C14orf180: variants seen among roughly 807,000 people sequenced by gnomAD.
C14orf180 encodes the protein nutritionally-regulated adipose and cardiac enriched protein homolog.
C14orf180 carries 13 observed loss-of-function variants against 13.9 expected under a neutral mutation model. The observed-to-expected ratio is 0.94, with a 90% CI of 0.61 to 1.49. C14orf180 has a LOEUF of 1.49. C14orf180 is among the 40% of genes most tolerant of loss of function. C14orf180 has a pLI of 0.00. For synonymous variants in C14orf180, 113 were observed against 106.3 expected, an observed-to-expected ratio of 1.06 and a Z score of -0.39; for missense variants, 238 against 232.0, an observed-to-expected ratio of 1.03 and a Z score of -0.17.
intron 3 of C14orf180, 132 bp downstream of exon 3, chr14:104,588,010 G>A: frequency 8.2e-7 from 1 of 1,212,934 alleles, no homozygotes; most frequent in Non-Finnish European, 1.1e-6. Context: ...TGCCTTCAGT[G>A]CCACAACCCC....
intron 1 of C14orf180, among the ~76,000 whole-genome samples, chr14:104,583,849 C>T (rs1886520764): frequency 6.6e-6 from 1 of 152,094 alleles, no homozygotes. Flanking sequence ...TGCATGGACA[C>T]ACACACACAT....
At chr14:104,588,170 A>T in intron 3 of C14orf180, 104 bp from the exon 4 acceptor site, 4 of 1,404,376 alleles carry the variant, frequency 2.8e-6, no homozygotes, top group Non-Finnish European at 4.0e-6. Flanking sequence ...CTCACTGATG[A>T]ATAGTCTCAG....
At position 104,589,349 on chromosome 14, in the gene C14orf180, C is replaced by G. The variant is rs2140471172; in HGVS notation, c.*566C>G. On this transcript the variant is annotated 3_prime_UTR_variant, in exon 5 of 5. Transcript: ENST00000557649. The surrounding 1 kb of genome is among the most constrained non-coding windows in gnomAD (Gnocchi z 4.9). ...GCCCAGGTCTGACCCCCCTACCCAG[C>G]CCCGTGAGTCTGGAGAGGCCCCAGG... 1 of 155,904 alleles carries G rather than the reference C, an allele frequency of 6.4e-6. No individual in the cohort carries two copies. The highest frequency in any genetic ancestry group is 1.9e-4 in the East Asian group (1 of 5,284). 9.7% of individuals were successfully genotyped at this position (155,904 alleles called of 1,614,324 possible).
chr14:104,586,434 A>G lies in C14orf180; in HGVS notation c.4A>G (p.Arg2Gly). The change falls in exon 2 of 5, where the codon AGG becomes GGG. Residue 2 changes from arginine (R) to glycine (G), a missense_variant. Coordinates refer to ENST00000557649, the MANE Select transcript of C14orf180 (RefSeq NM_001008404.3). M[R>G]TAAGAVSPDS... ...TCTTAGGACCATGTTCCAGTAAATGAGGACTGCAGCAGGAGCCGTGAGCCC... is the reference window on the plus strand; with the variant it reads ...TCTTAGGACCATGTTCCAGTAAATGGGGACTGCAGCAGGAGCCGTGAGCCC... 2 of 1,519,234 alleles carry G rather than the reference A, an allele frequency of 1.3e-6. No homozygotes were observed. The highest frequency in any genetic ancestry group is 1.8e-6 in the Non-Finnish European group (2 of 1,131,348). The allele number at this position is 1,519,234 out of a possible 1,614,324, so 94.1% of individuals were successfully genotyped here.
Position 104,586,404 on chromosome 14 carries a change from G to C in C14orf180, c.-16-11G>C, listed in dbSNP as rs1886620069. The C allele has an allele frequency of 7.0e-7, 1 of 1,426,530 alleles. No individual in the cohort carries two copies. Among genetic ancestry groups the C allele is most frequent in the Non-Finnish European group, 9.4e-7 (1 of 1,068,258 alleles). 88.4% of individuals were successfully genotyped at this position (1,426,530 alleles called of 1,614,324 possible). ...GCAGTAAATAATAAATAACGTCTCT[G>C]CTTATCTTAGGACCATGTTCCAGTA... On this transcript the variant is annotated splice_polypyrimidine_tract_variant and intron_variant, in intron 1 of 4. Coordinates refer to ENST00000557649, the MANE Select transcript of C14orf180 (RefSeq NM_001008404.3).
At position 104,588,651 on chromosome 14, in the gene C14orf180, C is replaced by G. The variant is rs1394099577; in HGVS notation, c.351C>G (p.Ala117=). The G allele has an allele frequency of 3.9e-6, 6 of 1,530,906 alleles. No homozygotes were observed. The highest frequency in any genetic ancestry group is 4.4e-6 in the Non-Finnish European group (5 of 1,143,516). The allele number at this position is 1,530,906 out of a possible 1,614,324, so 94.8% of individuals were successfully genotyped here. The change falls in exon 5 of 5, where the codon GCC becomes GCG. Residue 117 remains alanine, a synonymous_variant. Coordinates refer to ENST00000557649, the MANE Select transcript of C14orf180 (RefSeq NM_001008404.3). Reference sequence around the variant, plus strand: ...GTGTGTGCGTCCTGCTCGTGCTGGCCCTGGGCCTATACTGCGGCCGGGCCA... The same window carrying G: ...GTGTGTGCGTCCTGCTCGTGCTGGCGCTGGGCCTATACTGCGGCCGGGCCA... ...QLCVCVLLVL[A]LGLYCGRAKP... is the part of the protein sequence containing the mutation.
chr14:104,585,818 G>A (rs1217619807), intron 1 of C14orf180, among the ~76,000 whole-genome samples: 1 of 152,266 alleles, frequency 6.6e-6, no homozygotes, highest in East Asian at 1.9e-4. Context: ...ATCGGCGGGG[G>A]CGCGGTGCAG....
intron 1 of C14orf180, among the ~76,000 whole-genome samples, chr14:104,581,951 C>A (rs1401704054): frequency 6.6e-6 from 1 of 151,336 alleles, no homozygotes; most frequent in East Asian, 2.0e-4. Flanking sequence ...ACGCTCAGAG[C>A]CGAGGAAGGG....
At chr14:104,586,665 AG>A (rs1360378876) in intron 2 of C14orf180, 124 bp downstream of exon 2, 1 of 76,724 alleles carries the variant, frequency 1.3e-5, no homozygotes, top group African/African-American at 9.0e-5. Flanking sequence ...TGATAGGAGG[AG>A]GGCAGGGGGA....
chr14:104,582,714 G>A (rs1327563085), intron 1 of C14orf180, among the ~76,000 whole-genome samples: 1 of 152,232 alleles, frequency 6.6e-6, no homozygotes, highest in Non-Finnish European at 1.5e-5. Flanking sequence ...CACCAAGGGA[G>A]GCGCCATGGG....
In C14orf180 at chr14:104,589,146, C is replaced by A; in HGVS notation, c.*363C>A. 2.2e-6 allele frequency: 1 copy of A among 449,654 alleles called. No homozygotes were observed. The highest frequency in any genetic ancestry group is 3.9e-6 in the Non-Finnish European group (1 of 258,466). 27.9% of individuals were successfully genotyped at this position (449,654 alleles called of 1,614,324 possible). The stretch of plus-strand genomic sequence containing the variant: ...TGCTAGGGCCTGGCCCGGCCATCAC[C>A]GTGTGCACCCTCTTGAGGAGGGGGA... On this transcript the variant is annotated 3_prime_UTR_variant, in exon 5 of 5. Coordinates refer to ENST00000557649, the MANE Select transcript of C14orf180 (RefSeq NM_001008404.3). This position sits in a 1 kb window ranked among gnomAD's most constrained non-coding sequence, Gnocchi z 4.9.
Position 104,581,811 on chromosome 14 carries a change from G to A in C14orf180, c.-17+1808G>A, listed in dbSNP as rs530003713. Among the ~76,000 whole-genome samples, 326 of 148,910 alleles carry A rather than the reference G, an allele frequency of 2.2e-3. 1 individual carries two copies. Among genetic ancestry groups the A allele is most frequent in the Non-Finnish European group, 4.0e-3 (265 of 66,268 alleles). The stretch of plus-strand genomic sequence containing the variant: ...CTGGGGGAGGCTGCACCTGGAACAG[G>A]GAAACAGGGAGCCTGGCCCCAGCCT... On this transcript the variant is annotated intron_variant, in intron 1 of 4. Coordinates refer to ENST00000557649, the MANE Select transcript of C14orf180 (RefSeq NM_001008404.3).
At chr14:104,582,394 C>T (rs1445821187) in intron 1 of C14orf180, among the ~76,000 whole-genome samples, 1 of 152,190 alleles carries the variant, frequency 6.6e-6, no homozygotes, top group Non-Finnish European at 1.5e-5. Flanking sequence ...AGTGCCCTCA[C>T]GTCTCTCAGC....
intron 1 of C14orf180, among the ~76,000 whole-genome samples, chr14:104,580,837 C>T (rs574304220): frequency 8.5e-5 from 13 of 152,238 alleles, no homozygotes; most frequent in Non-Finnish European, 1.6e-4. Context: ...GGGGGGGTCC[C>T]CCGCCCTGTC....
Position 104,588,259 on chromosome 14 carries a change from C to A in C14orf180, c.242-15C>A, listed in dbSNP as rs780160691. On this transcript the variant is annotated splice_polypyrimidine_tract_variant and intron_variant, in intron 3 of 4. Coordinates refer to ENST00000557649, the MANE Select transcript of C14orf180 (RefSeq NM_001008404.3). Reference sequence around the variant, plus strand: ...AGGCAGGTGCCCCCAGCTGACTCTCCATTCTCTTTCGCAGACATTGCTGAC... The same window carrying A: ...AGGCAGGTGCCCCCAGCTGACTCTCAATTCTCTTTCGCAGACATTGCTGAC... 7.4e-6 allele frequency: 12 copies of A among 1,613,922 alleles called. No homozygotes were observed. The South Asian group carries it at 1.3e-4, about 18-fold the overall frequency.
rs1326201302 is a variant in C14orf180 at position 104,588,982 on chromosome 14, A to G, written c.*199A>G. ...GGGGCACAGCAGGCGGCCCCGCCAC[A>G]CTAGTCAGCACAGCCCTCCTGTCTC... On this transcript the variant is annotated 3_prime_UTR_variant, in exon 5 of 5. Coordinates refer to ENST00000557649, the MANE Select transcript of C14orf180 (RefSeq NM_001008404.3). The G allele has an allele frequency of 6.4e-6, 7 of 1,097,764 alleles. No individual in the cohort carries two copies. Among genetic ancestry groups the G allele is most frequent in the Non-Finnish European group, 7.5e-6 (6 of 795,996 alleles). 68.0% of individuals were successfully genotyped at this position (1,097,764 alleles called of 1,614,324 possible).
At chr14:104,587,082 C>A (rs569576304) in intron 2 of C14orf180, among the ~76,000 whole-genome samples, 1 of 152,294 alleles carries the variant, frequency 6.6e-6, no homozygotes, top group African/African-American at 2.4e-5. Flanking sequence ...CAGCCAGGAA[C>A]AACCTCAGAG....
intron 1 of C14orf180, among the ~76,000 whole-genome samples, chr14:104,584,954 T>C (rs1596287976): frequency 6.6e-6 from 1 of 152,130 alleles, no homozygotes; most frequent in Non-Finnish European, 1.5e-5. Context: ...CACTGCAGTA[T>C]CCACCCAAAC....
chr14:104,582,235 TG>T (rs1162675526), intron 1 of C14orf180, among the ~76,000 whole-genome samples: 2 of 151,268 alleles, frequency 1.3e-5, no homozygotes, highest in Non-Finnish European at 3.0e-5. Context: ...GGGGCAGGAG[TG>T]GGAGGGAGCA....
Sources: gnomAD v4.1 joint callset for allele counts (sites outside exome capture counted in the v4.1 genomes callset) on GRCh38, gnomAD v4.1.1 for gene constraint, Gnocchi (gnomAD v3.1) non-coding constraint, MANE v1.5 for transcripts, NCBI Gene and HGNC (gene_info 2026-07-23, HGNC 2026-07-21) for gene names.